Variants in MAGI1 observed in about 807,000 individuals in gnomAD.
The protein encoded by MAGI1 is membrane-associated guanylate kinase, WW and PDZ domain-containing protein 1.
MAGI1 carries 58 observed loss-of-function variants against 139.9 expected under a neutral mutation model. The ratio of observed to expected loss-of-function variants is 0.41; its 90% confidence interval spans 0.34 to 0.52. The LOEUF (loss-of-function observed/expected upper bound fraction) is 0.52. Among genes scored for constraint, MAGI1 ranks in the 20% least tolerant of loss-of-function variants. MAGI1 has a pLI of 0.12. For synonymous variants in MAGI1, 812 were observed against 737.9 expected, an observed-to-expected ratio of 1.10 and a Z score of -1.63; for missense variants, 1,874 against 1,901.6, an observed-to-expected ratio of 0.99 and a Z score of 0.27.
At chr3:65,443,583 T>A (rs552022480) in intron 7 of MAGI1, among the ~76,000 whole-genome samples, 1 of 152,208 alleles carries the variant, frequency 6.6e-6, no homozygotes, top group Non-Finnish European at 1.5e-5. Context: ...GCCAAAACTT[T>A]ATTAAACAGG....
At chr3:65,406,834 CAGAG>C (rs1475766855) in intron 12 of MAGI1, among the ~76,000 whole-genome samples, 1 of 151,590 alleles carries the variant, frequency 6.6e-6, no homozygotes, top group Non-Finnish European at 1.5e-5. Flanking sequence ...GGGAGAGAGA[CAGAG>C]AGAGTAGGAG....
At chr3:65,804,789 T>C (rs796771665) in intron 1 of MAGI1, among the ~76,000 whole-genome samples, 1 of 152,136 alleles carries the variant, frequency 6.6e-6, no homozygotes, top group South Asian at 2.1e-4. Context: ...GCCACACATC[T>C]ACAACCATCT....
intron 2 of MAGI1, among the ~76,000 whole-genome samples, chr3:65,576,897 A>C (rs1010956840): frequency 6.6e-6 from 1 of 152,170 alleles, no homozygotes; most frequent in African/African-American, 2.4e-5. Flanking sequence ...ATGTATGGTT[A>C]CCCCTGGGAT....
intron 1 of MAGI1, among the ~76,000 whole-genome samples, chr3:65,694,866 A>T (rs967522214): frequency 2.0e-5 from 3 of 152,246 alleles, no homozygotes; most frequent in African/African-American, 4.8e-5. Flanking sequence ...TGTCTCTTTG[A>T]ACAGGCTGAG....
chr3:65,897,086 T>C (rs947948093), intron 1 of MAGI1, among the ~76,000 whole-genome samples: 8 of 152,212 alleles, frequency 5.3e-5, no homozygotes, highest in Non-Finnish European at 1.0e-4. Flanking sequence ...TAATACCTAA[T>C]ACAATACAAA....
chr3:65,586,302 C>T (rs2081674654), intron 2 of MAGI1, among the ~76,000 whole-genome samples: 1 of 151,720 alleles, frequency 6.6e-6, no homozygotes, highest in South Asian at 2.1e-4. Flanking sequence ...GATTATCCCA[C>T]TTACATGATA....
At position 65,688,101 on chromosome 3, in the gene MAGI1, C is replaced by T. The variant is rs181328869; in HGVS notation, c.314-66013G>A. ...ACAGCCTTTGGCCCTGAACACTGCA[C>T]ATAGGTGTTGCTTGCAGATTCTAGG... is the stretch of plus-strand genomic sequence containing the variant. On this transcript the variant is annotated intron_variant, in intron 1 of 22. Transcript: ENST00000402939. 1.2e-5 allele frequency: 9 copies of T among 762,026 alleles called. No individual in the cohort carries two copies. The East Asian group carries it at 2.3e-4, about 19-fold the overall frequency. 47.2% of individuals were successfully genotyped at this position (762,026 alleles called of 1,614,324 possible). A position where few individuals can be genotyped will look rare whatever the true frequency, so the allele number is the denominator to read the frequency against.
intron 1 of MAGI1, among the ~76,000 whole-genome samples, chr3:65,833,358 A>G (rs571673379): frequency 4.6e-5 from 7 of 152,182 alleles, no homozygotes; most frequent in Admixed American, 3.3e-4. Flanking sequence ...ACCTCAAGTG[A>G]TCCGCCCGCC....
chr3:65,441,152 C>T (rs983829205), intron 8 of MAGI1, among the ~76,000 whole-genome samples: 1 of 151,818 alleles, frequency 6.6e-6, no homozygotes, highest in Admixed American at 6.6e-5. Context: ...GTAGAAATGG[C>T]GTTTCACCAT....
chr3:65,387,764 A>G (rs1462606931), intron 14 of MAGI1, among the ~76,000 whole-genome samples: 2 of 152,216 alleles, frequency 1.3e-5, no homozygotes, highest in East Asian at 1.9e-4. Flanking sequence ...ATACAAACTC[A>G]TAATTGCTCT....
At chr3:65,823,514 T>C (rs557969078) in intron 1 of MAGI1, among the ~76,000 whole-genome samples, 20 of 152,330 alleles carry the variant, frequency 1.3e-4, no homozygotes, top group Middle Eastern at 3.4e-3. Flanking sequence ...TGGTATGCCA[T>C]ATAAAGCTAT....
At chr3:65,853,089 C>T (rs1234537522) in intron 1 of MAGI1, among the ~76,000 whole-genome samples, 1 of 151,992 alleles carries the variant, frequency 6.6e-6, no homozygotes, top group Admixed American at 6.6e-5. Context: ...GTGGAGGTTC[C>T]CTCCGGGAAC....
intron 2 of MAGI1, among the ~76,000 whole-genome samples, chr3:65,601,501 G>T (rs569368584): frequency 6.6e-6 from 1 of 152,224 alleles, no homozygotes; most frequent in East Asian, 1.9e-4. Flanking sequence ...TATGCATGAT[G>T]CTGTAAAAGT....
At chr3:65,480,685 A>G (rs4688571) in intron 3 of MAGI1, among the ~76,000 whole-genome samples, 126,069 of 150,432 alleles carry the variant, frequency 0.84, 52,921 homozygotes, top group East Asian at 0.96. Context: ...TCCCAGGTTC[A>G]AGCGATTCTC....
At chr3:65,795,981 G>A (rs938556724) in intron 1 of MAGI1, among the ~76,000 whole-genome samples, 1 of 151,236 alleles carries the variant, frequency 6.6e-6, no homozygotes, top group African/African-American at 2.4e-5. Context: ...ACCACAGGAG[G>A]CGGAAGGTGC....
intron 2 of MAGI1, among the ~76,000 whole-genome samples, chr3:65,583,382 A>G (rs867291098): frequency 1.1e-4 from 17 of 152,196 alleles, no homozygotes; most frequent in African/African-American, 3.9e-4. Flanking sequence ...GCTATGTTAC[A>G]GTGGGAGAGG....
chr3:65,983,465 T>G (rs1451086465), intron 1 of MAGI1, among the ~76,000 whole-genome samples: 1 of 152,216 alleles, frequency 6.6e-6, no homozygotes, highest in African/African-American at 2.4e-5. Flanking sequence ...TCTTTTAAAA[T>G]TCACTCACAT....
chr3:65,867,554 T>C (rs1219091475), intron 1 of MAGI1, among the ~76,000 whole-genome samples: 5 of 152,006 alleles, frequency 3.3e-5, no homozygotes. Flanking sequence ...AGGCAACATA[T>C]GGAGACCCTG....
At chr3:66,025,377 CA>C (rs60966629) in intron 1 of MAGI1, among the ~76,000 whole-genome samples, 66,481 of 151,058 alleles carry the variant, frequency 0.44, 16,099 homozygotes, top group African/African-American at 0.63. Context: ...TGTCTCTACC[CA>C]AAAAAAAATT....
Sources: allele counts gnomAD v4.1 joint callset (sites outside exome capture counted in the v4.1 genomes callset), GRCh38; gene constraint gnomAD v4.1.1; transcripts MANE v1.5; gene names NCBI Gene and HGNC (gene_info 2026-07-23, HGNC 2026-07-21).